The following MYO3B variants were observed in gnomAD, a reference collection of about 807,000 sequenced individuals.
The protein encoded by MYO3B is myosin IIIB, also known as myosin-IIIb.
In MYO3B, 156 loss-of-function variants were observed where a neutral mutation model predicts 174.6. The ratio of observed to expected loss-of-function variants is 0.89; its 90% CI spans 0.78 to 1.02. The LOEUF (loss-of-function observed/expected upper bound fraction) is 1.02. Among genes scored for constraint, MYO3B ranks in the 50% least tolerant of loss-of-function variants. The pLI is 0.00. For synonymous variants in MYO3B, 563 were observed against 569.1 expected, an observed-to-expected ratio of 0.99 and a Z score of 0.15; for missense variants, 1,632 against 1,639.4, an observed-to-expected ratio of 1.00 and a Z score of 0.08.
chr2:170,480,272 TC>T lies in MYO3B; in HGVS notation c.3014+13565del, dbSNP rs1685607694. Among the ~76,000 whole-genome samples the T allele has an allele frequency of 2.0e-5, 3 of 152,236 alleles. No individual in the cohort carries two copies. The South Asian group carries it at 6.2e-4, about 32-fold the overall frequency. The stretch of plus-strand genomic sequence containing the variant: ...TTTCTGATTGTGGGTCATAAGACCC[TC>T]CCCAGAGAGGGTCCCATCATATATC... On this transcript the variant is annotated intron_variant, in intron 25 of 34. Coordinates refer to ENST00000408978, the MANE Select transcript of MYO3B (RefSeq NM_138995.5).
intron 32 of MYO3B, among the ~76,000 whole-genome samples, chr2:170,611,671 A>G (rs1387046930): frequency 6.6e-6 from 1 of 152,242 alleles, no homozygotes; most frequent in Non-Finnish European, 1.5e-5. Flanking sequence ...AGAAGACAGC[A>G]TGTTAAAGAG....
chr2:170,368,123 C>A (rs2094212099), intron 8 of MYO3B, among the ~76,000 whole-genome samples: 1 of 152,164 alleles, frequency 6.6e-6, no homozygotes. Flanking sequence ...AAGAACTCTG[C>A]TTAAGTGTTT....
At chr2:170,475,307 G>A (rs1460231831) in intron 25 of MYO3B, among the ~76,000 whole-genome samples, 2 of 152,164 alleles carry the variant, frequency 1.3e-5, no homozygotes, top group East Asian at 3.8e-4. Flanking sequence ...CTGGAGTGCA[G>A]TGGCATGATC....
chr2:170,593,222 C>T (rs1045296064), intron 32 of MYO3B, among the ~76,000 whole-genome samples: 1 of 152,146 alleles, frequency 6.6e-6, no homozygotes, highest in Non-Finnish European at 1.5e-5. Context: ...CTCAGCATCC[C>T]AAGTGACTGG....
At chr2:170,228,963 A>C (rs2092984316) in intron 6 of MYO3B, among the ~76,000 whole-genome samples, 2 of 57,586 alleles carry the variant, frequency 3.5e-5, no homozygotes, top group South Asian at 1.6e-3. Context: ...CCCTTTACAA[A>C]AAAAAAAAAA....
intron 27 of MYO3B, among the ~76,000 whole-genome samples, chr2:170,500,980 A>G (rs1216388682): frequency 1.3e-5 from 2 of 152,232 alleles, no homozygotes; most frequent in Non-Finnish European, 2.9e-5. Context: ...AACAAAGTGG[A>G]TGATTTCCCT....
intron 32 of MYO3B, among the ~76,000 whole-genome samples, chr2:170,614,365 T>C (rs1384416044): frequency 6.6e-6 from 1 of 152,206 alleles, no homozygotes; most frequent in Admixed American, 6.5e-5. Context: ...GGGATCATCA[T>C]TGTCTGCAGA....
chr2:170,184,486 A>G (rs1559281381), intron 1 of MYO3B, among the ~76,000 whole-genome samples: 1 of 152,192 alleles, frequency 6.6e-6, no homozygotes, highest in Non-Finnish European at 1.5e-5. Flanking sequence ...AATTACCTCC[A>G]GTTTCATCCA....
intron 1 of MYO3B, among the ~76,000 whole-genome samples, chr2:170,192,239 TTTA>T (rs1317132875): frequency 6.6e-6 from 1 of 151,786 alleles, no homozygotes; most frequent in Non-Finnish European, 1.5e-5. Flanking sequence ...GCTCTTTTTT[TTTA>T]TTATTCTGAA....
chr2:170,572,876 A>G (rs1391461991), intron 32 of MYO3B, among the ~76,000 whole-genome samples: 2 of 152,192 alleles, frequency 1.3e-5, no homozygotes, highest in African/African-American at 4.8e-5. Context: ...CCAAAATATT[A>G]TGAGAAATAA....
intron 25 of MYO3B, among the ~76,000 whole-genome samples, chr2:170,478,034 G>C (rs1196067632): frequency 6.6e-6 from 1 of 152,084 alleles, no homozygotes; most frequent in African/African-American, 2.4e-5. Flanking sequence ...ATTTAAGGCA[G>C]GAAAAAAGGA....
At chr2:170,621,373 C>G (rs1376941338) in intron 32 of MYO3B, among the ~76,000 whole-genome samples, 1 of 152,154 alleles carries the variant, frequency 6.6e-6, no homozygotes, top group Non-Finnish European at 1.5e-5. Flanking sequence ...TGACACCCTT[C>G]TAATATAACA....
chr2:170,403,098 C>A, intron 19 of MYO3B, 103 bp downstream of exon 19: 1 of 1,164,912 alleles, frequency 8.6e-7, no homozygotes. Flanking sequence ...CTAAAAGACC[C>A]TAGAGAGAAA....
chr2:170,290,535 A>AT (rs2093588933), intron 7 of MYO3B, among the ~76,000 whole-genome samples: 1 of 151,956 alleles, frequency 6.6e-6, no homozygotes, highest in Non-Finnish European at 1.5e-5. Context: ...CATAGGATAC[A>AT]TTTTTCTACC....
chr2:170,196,058 A>G lies in MYO3B; in HGVS notation c.3-3150A>G, dbSNP rs1302220113. On this transcript the variant is annotated intron_variant, in intron 1 of 34. Transcript: ENST00000408978. ...TTTCTGAGTGTTAGGGGCAGCCACA[A>G]TTGATGGATATGAGCTTTACTCTTC... Among the ~76,000 whole-genome samples the G allele has an allele frequency of 3.9e-5, 6 of 152,256 alleles. No homozygotes were observed. In the East Asian group the frequency reaches 1.2e-3, roughly 29 times the overall value.
intron 1 of MYO3B, among the ~76,000 whole-genome samples, chr2:170,198,032 G>T (rs2092619218): frequency 6.6e-6 from 1 of 151,800 alleles, no homozygotes; most frequent in South Asian, 2.1e-4. Context: ...TTGACCTAAT[G>T]TGGGAAATAA....
chr2:170,468,021 G>A (rs1575028371), intron 25 of MYO3B, among the ~76,000 whole-genome samples: 1 of 152,026 alleles, frequency 6.6e-6, no homozygotes, highest in Non-Finnish European at 1.5e-5. Context: ...TAAGAAAACA[G>A]GTCAAATGCT....
intron 30 of MYO3B, among the ~76,000 whole-genome samples, chr2:170,536,641 G>A (rs190436875): frequency 9.0e-4 from 137 of 152,230 alleles, no homozygotes; most frequent in Non-Finnish European, 1.5e-3. Flanking sequence ...CAGGAATAAT[G>A]TTTTTCCTCT....
At chr2:170,370,895 TCTCTC>T (rs1175990309) in intron 9 of MYO3B, among the ~76,000 whole-genome samples, 2 of 151,558 alleles carry the variant, frequency 1.3e-5, no homozygotes, top group African/African-American at 4.9e-5. Flanking sequence ...TCTCTCTCTC[TCTCTC>T]TTTTTTTTTC....
Sources: gnomAD v4.1 joint callset for allele counts (sites outside exome capture counted in the v4.1 genomes callset) on GRCh38, gnomAD v4.1.1 for gene constraint, MANE v1.5 for transcripts, NCBI Gene and HGNC (gene_info 2026-07-23, HGNC 2026-07-21) for gene names.